Variants in MBNL3 observed in about 807,000 individuals in gnomAD.
The protein encoded by MBNL3 is muscleblind like splicing regulator 3, also known as muscleblind-like protein 3.
MBNL3 carries 6 observed loss-of-function variants against 24.5 expected under a neutral mutation model. That is an observed-to-expected ratio of 0.25 (90% CI 0.13 to 0.48). The LOEUF is 0.48. MBNL3 is among the 20% of genes least tolerant of loss of function. The pLI is 0.99. For synonymous variants in MBNL3, 100 were observed against 101.7 expected (o/e 0.98, Z 0.10); for missense variants, 230 against 293.5 (o/e 0.78, Z 1.58).
rs926323528 is a variant in MBNL3 at position 132,369,405 on chromosome X, A to C, written c.*10261T>G. On this transcript the variant is annotated 3_prime_UTR_variant, in exon 9 of 9. Transcript: ENST00000370853. ...TTACTATATATACAGAAATATATAT[A>C]ATTAACATGGATCCAATTATCTCAT... is the stretch of plus-strand genomic sequence containing the variant. 3.6e-5 allele frequency: 4 copies of C among 112,199 alleles called. 1 individual carries two copies. The Middle Eastern group carries it at 0.014, about 390-fold the overall frequency. 9.2% of individuals were successfully genotyped at this position (112,199 alleles called of 1,213,427 possible).
intron 2 of MBNL3, among the ~76,000 whole-genome samples, chrX:132,418,948 A>G (rs967957529): frequency 9.0e-6 from 1 of 111,363 alleles, no homozygotes. Flanking sequence ...TAATTTTTGT[A>G]TTTTTTGTAA....
intron 3 of MBNL3, among the ~76,000 whole-genome samples, chrX:132,396,592 C>CTATATATATTCCTATATATATTCA (rs1569424645): frequency 2.7e-4 from 11 of 40,899 alleles, no homozygotes; most frequent in African/African-American, 3.9e-4. Context: ...ATATATATTC[C>CTATATATATTCCTATATATATTCA]TATATATATT....
intron 1 of MBNL3, among the ~76,000 whole-genome samples, chrX:132,466,336 C>CT (rs1470996513): frequency 8.9e-6 from 1 of 112,000 alleles, no homozygotes; most frequent in African/African-American, 3.2e-5. Flanking sequence ...TTCATTTCCA[C>CT]TTTTTACAGT....
chrX:132,481,530 T>TA (rs1422091524), intron 1 of MBNL3, among the ~76,000 whole-genome samples: 1 of 112,099 alleles, frequency 8.9e-6, no homozygotes, highest in Non-Finnish European at 1.9e-5. Flanking sequence ...TCTAGCTTCT[T>TA]AGAGTTTCTC....
chrX:132,457,662 C>A (rs1362480161), intron 1 of MBNL3, among the ~76,000 whole-genome samples: 1 of 111,095 alleles, frequency 9.0e-6, no homozygotes, highest in Admixed American at 9.6e-5. Flanking sequence ...AGAAAGGGAA[C>A]CAAAATGCCT....
In MBNL3 at chrX:132,445,272, T is replaced by C. The variant is rs186612595; in HGVS notation, c.-703-4958A>G. On this transcript the variant is annotated intron_variant, in intron 1 of 8. Coordinates refer to ENST00000370853, the MANE Select transcript of MBNL3 (RefSeq NM_001386889.1). ...TGCTTGAATTGGATGGCTGACAAGA[T>C]TTAAAAGCCTTCAAGTTTTCAAATT... Among the ~76,000 whole-genome samples, 342 of 111,331 alleles carry C rather than the reference T, an allele frequency of 3.1e-3. 1 individual carries two copies. Among genetic ancestry groups the C allele is most frequent in the African/African-American group, 0.01 (311 of 30,691 alleles).
intron 3 of MBNL3, among the ~76,000 whole-genome samples, chrX:132,396,978 A>G (rs1200761596): frequency 3.4e-5 from 3 of 88,446 alleles, no homozygotes; most frequent in Non-Finnish European, 6.4e-5. Context: ...ATGAATATAT[A>G]TGAATATATA....
At position 132,377,222 on chromosome X, in the gene MBNL3, C is replaced by T. The variant is rs1009999362; in HGVS notation, c.*2444G>A. On this transcript the variant is annotated 3_prime_UTR_variant, in exon 9 of 9. Transcript: ENST00000370853. ...CTGGATTCATGTAATCAGATCTGCC[C>T]TTCTGGAGAGGCACTGGCACGGATC... 5.1e-4 allele frequency: 57 copies of T among 111,615 alleles called. No homozygotes were observed. The highest frequency in any genetic ancestry group is 1.7e-3 in the African/African-American group (51 of 30,745). The allele number at this position is 111,615 out of a possible 1,213,427, so 9.2% of individuals were successfully genotyped here.
In MBNL3 at chrX:132,386,735, A is replaced by C; in HGVS notation, c.848T>G (p.Phe283Cys). ...LEKPNGATPVFNPTVFHCQQA... is the reference protein window; with the variant it reads ...LEKPNGATPVCNPTVFHCQQA... ...TTGGCAGTGGAAAACAGTGGGATTA[A>C]AGACCGGGGTGGCACCATTGGGCTT... is the stretch of plus-strand genomic sequence containing the variant. The change falls in exon 6 of 9, where the codon TTT becomes TGT. Residue 283 changes from phenylalanine to cysteine, a missense_variant. Phe to Cys is a radical substitution (Grantham distance 205). Coordinates refer to ENST00000370853, the MANE Select transcript of MBNL3 (RefSeq NM_001386889.1). 2.5e-6 allele frequency: 3 copies of C among 1,211,133 alleles called. No individual in the cohort carries two copies. The highest frequency in any genetic ancestry group is 3.4e-6 in the Non-Finnish European group (3 of 895,419).
At chrX:132,446,166 G>A (rs1441904735) in intron 1 of MBNL3, among the ~76,000 whole-genome samples, 1 of 112,135 alleles carries the variant, frequency 8.9e-6, no homozygotes, top group Non-Finnish European at 1.9e-5. Flanking sequence ...TGGTGTATAT[G>A]TGCCACATTT....
intron 1 of MBNL3, among the ~76,000 whole-genome samples, chrX:132,452,725 A>T (rs1946175494): frequency 8.8e-6 from 1 of 113,131 alleles, no homozygotes; most frequent in Admixed American, 9.3e-5. Context: ...TTGTATACCA[A>T]CTACCTGCAC....
At chrX:132,438,909 C>A (rs759490195) in intron 2 of MBNL3, among the ~76,000 whole-genome samples, 1 of 108,729 alleles carries the variant, frequency 9.2e-6, no homozygotes, top group African/African-American at 3.4e-5. Context: ...TACTTTGAGA[C>A]GCTTCAAAAT....
chrX:132,465,578 T>A (rs893190014), intron 1 of MBNL3, among the ~76,000 whole-genome samples: 6 of 112,409 alleles, frequency 5.3e-5, no homozygotes, highest in Middle Eastern at 4.6e-3. Context: ...TTCATCTTCG[T>A]TCTTCTTTTA....
At position 132,406,275 on chromosome X, in the gene MBNL3, C is replaced by A. The variant is rs1377292585; in HGVS notation, c.295G>T (p.Ala99Ser). The change falls in exon 3 of 9, where the codon GCC (alanine) becomes TCC (serine). Residue 99 changes from alanine (A) to serine (S), a missense_variant. Physicochemically the swap from Ala to Ser is moderately conservative, Grantham distance 99. Coordinates refer to ENST00000370853, the MANE Select transcript of MBNL3 (RefSeq NM_001386889.1). The stretch of plus-strand genomic sequence containing the variant: ...TGGAGCATAAGCTGCATCTGCTGGG[C>A]GAACATGGCTGCGGCAGTCTTCTGT... The part of the protein sequence containing the change: ...IQQKTAAAMF[A>S]QQMQLMLQNA... The A allele has an allele frequency of 8.3e-7, 1 of 1,211,577 alleles. No individual in the cohort carries two copies. The highest frequency in any genetic ancestry group is 1.1e-6 in the Non-Finnish European group (1 of 895,356).
At chrX:132,401,879 T>A (rs1443077537) in intron 3 of MBNL3, among the ~76,000 whole-genome samples, 2 of 111,625 alleles carry the variant, frequency 1.8e-5, no homozygotes, top group African/African-American at 6.5e-5. Flanking sequence ...CCTTCGTTCC[T>A]TACTATATTA....
intron 1 of MBNL3, among the ~76,000 whole-genome samples, chrX:132,444,456 T>C (rs992871742): frequency 9.0e-6 from 1 of 111,244 alleles, no homozygotes; most frequent in African/African-American, 3.3e-5. Flanking sequence ...TTCCTGTCCA[T>C]TTGATAGCAA....
rs1933682126 is a variant in MBNL3 at position 132,372,284 on chromosome X, A to C, written c.*7382T>G. The C allele has an allele frequency of 9.1e-6, 1 of 110,146 alleles. No individual in the cohort carries two copies. Among genetic ancestry groups the C allele is most frequent in the Non-Finnish European group, 1.9e-5 (1 of 52,629 alleles). 9.1% of individuals were successfully genotyped at this position (110,146 alleles called of 1,213,427 possible). The stretch of plus-strand genomic sequence containing the variant: ...ATTTTTAATCGCCATTTTCCACCCA[A>C]ATTATGTGCCTCCATTTTTCACATT... On this transcript the variant is annotated 3_prime_UTR_variant, in exon 9 of 9. Transcript: ENST00000370853.
chrX:132,418,799 G>C (rs1986039334), intron 2 of MBNL3, among the ~76,000 whole-genome samples: 2 of 112,453 alleles, frequency 1.8e-5, no homozygotes, highest in African/African-American at 3.2e-5. Flanking sequence ...TTAAGATAGA[G>C]TCTCACTCTG....
rs758206706 is a variant in MBNL3, at chrX:132,379,915, A to T, written c.1054-238T>A. Among the ~76,000 whole-genome samples the T allele has an allele frequency of 3.6e-5, 4 of 112,501 alleles. No individual in the cohort carries two copies. The East Asian group carries it at 1.1e-3, about 32-fold the overall frequency. ...CTAATGTGGAGAACTGTCCTAACAG[A>T]GATGCAATCCAATGTTTAAGGCATT... On this transcript the variant is annotated intron_variant, in intron 8 of 8. Coordinates refer to ENST00000370853, the MANE Select transcript of MBNL3 (RefSeq NM_001386889.1).
Sources: gnomAD v4.1 joint callset for allele counts (sites outside exome capture counted in the v4.1 genomes callset) on GRCh38, gnomAD v4.1.1 for gene constraint, MANE v1.5 for transcripts, NCBI Gene and HGNC (gene_info 2026-07-23, HGNC 2026-07-21) for gene names.